Variants in PCDHGA9 observed in about 807,000 individuals in gnomAD.
The protein encoded by PCDHGA9 is protocadherin gamma subfamily A, 9, also known as protocadherin gamma-A9.
A neutral mutation model predicts 62.5 loss-of-function variants in PCDHGA9; 37 were observed. That is an observed-to-expected ratio of 0.59 (90% CI 0.46 to 0.78). The LOEUF is 0.78. Ranked by LOEUF, PCDHGA9 falls within the 30% of genes least tolerant of loss-of-function variation. PCDHGA9 has a pLI of 0.00. For synonymous variants in PCDHGA9, 459 were observed against 484.6 expected (o/e 0.95, Z 0.69); for missense variants, 1,138 against 1,166.2 (o/e 0.98, Z 0.35).
intron 1 of PCDHGA9, among the ~76,000 whole-genome samples, chr5:141,444,402 C>A (rs916833331): frequency 6.6e-6 from 1 of 151,932 alleles, no homozygotes; most frequent in Admixed American, 6.6e-5. Flanking sequence ...AACTCCCAAC[C>A]TCAGGTGATC....
At chr5:141,435,050 C>A (rs2154556494) in intron 1 of PCDHGA9, among the ~76,000 whole-genome samples, 1 of 151,994 alleles carries the variant, frequency 6.6e-6, no homozygotes, top group East Asian at 1.9e-4. Flanking sequence ...TCCCATTGAC[C>A]ATGCAGCAGT....
At position 141,511,248 on chromosome 5, in the gene PCDHGA9, C is replaced by T; in HGVS notation, c.*75C>T. ...AGCTTCTCCTTACCTGCACCCAGGC[C>T]TCAGAGTTTCAGGGCTAACCCCCAG... On this transcript the variant is annotated 3_prime_UTR_variant, in exon 4 of 4. Transcript: ENST00000573521. 6.4e-7 allele frequency: 1 copy of T among 1,574,736 alleles called. No homozygotes were observed. The highest frequency in any genetic ancestry group is 8.6e-7 in the Non-Finnish European group (1 of 1,160,336).
At chr5:141,420,218 C>T (rs762476625) in intron 1 of PCDHGA9, 11 of 1,608,290 alleles carry the variant, frequency 6.8e-6, no homozygotes, top group Admixed American at 1.7e-5. Flanking sequence ...AGATAGCATG[C>T]TACTGGCTAG....
intron 1 of PCDHGA9, among the ~76,000 whole-genome samples, chr5:141,473,965 A>C (rs925515548): frequency 1.1e-4 from 16 of 152,206 alleles, no homozygotes; most frequent in African/African-American, 3.9e-4. Flanking sequence ...TCTACTTAGA[A>C]GTCTGAGGCG....
In PCDHGA9 at chr5:141,404,707, C is replaced by T; in HGVS notation, c.1755C>T (p.Gly585=). The T allele has an allele frequency of 6.2e-7, 1 of 1,614,122 alleles. No individual in the cohort carries two copies. Among genetic ancestry groups the T allele is most frequent in the Non-Finnish European group, 8.5e-7 (1 of 1,180,012 alleles). Residue 585 remains glycine (G), a synonymous_variant, in exon 1 of 4, where the codon GGC becomes GGT. Coordinates refer to ENST00000573521, the MANE Select transcript of PCDHGA9 (RefSeq NM_018921.3). ...VELAPRSAEP[G]YLVTKVVAVD... is the part of the protein sequence containing the mutation. The stretch of plus-strand genomic sequence containing the variant: ...TGGCACCCCGCTCTGCAGAGCCTGG[C>T]TACCTGGTGACCAAGGTGGTGGCAG...
At chr5:141,481,618 G>C (rs1339565594) in intron 1 of PCDHGA9, among the ~76,000 whole-genome samples, 1 of 152,142 alleles carries the variant, frequency 6.6e-6, no homozygotes, top group African/African-American at 2.4e-5. Context: ...AGGAGTTCAA[G>C]ACCGGCCTGG....
chr5:141,415,163 C>A, intron 1 of PCDHGA9: 1 of 1,613,856 alleles, frequency 6.2e-7, no homozygotes. Flanking sequence ...GCCACTGTCA[C>A]GCTCACCGTG....
chr5:141,423,983 C>T, intron 1 of PCDHGA9: 5 of 1,107,052 alleles, frequency 4.5e-6, no homozygotes, highest in Non-Finnish European at 5.6e-6. Context: ...GTATGAGGCT[C>T]TCAATTTATT....
Position 141,431,303 on chromosome 5 carries a change from G to A in PCDHGA9, c.2424+25927G>A, listed in dbSNP as rs777784010. 2 of 1,613,942 alleles carry A rather than the reference G, an allele frequency of 1.2e-6. No homozygotes were observed. The highest frequency in any genetic ancestry group is 2.7e-5 in the African/African-American group (2 of 74,916). ...CCCGAACACTCACTTCTCCCTCATC[G>A]TGCAAAATGGAGCCGACGGTAGTAA... On this transcript the variant is annotated intron_variant, in intron 1 of 3. Transcript: ENST00000573521. The surrounding 1 kb of genome is among the most constrained non-coding windows in gnomAD (Gnocchi z 4.8).
chr5:141,414,958 G>T, intron 1 of PCDHGA9: 2 of 1,614,024 alleles, frequency 1.2e-6, no homozygotes, highest in East Asian at 2.2e-5. Context: ...GGTGACCAAG[G>T]TGGTGGCGGT....
intron 2 of PCDHGA9, among the ~76,000 whole-genome samples, chr5:141,500,768 A>C (rs2099802446): frequency 6.6e-6 from 1 of 152,180 alleles, no homozygotes; most frequent in African/African-American, 2.4e-5. Flanking sequence ...AACTCCTCTT[A>C]TGAATATACA....
intron 1 of PCDHGA9, chr5:141,421,591 G>T: frequency 6.2e-7 from 1 of 1,613,874 alleles, no homozygotes; most frequent in Non-Finnish European, 8.5e-7. Context: ...CGGAGTGGAG[G>T]TGGAAATAAT....
Position 141,489,391 on chromosome 5 carries a change from G to C in PCDHGA9, c.2425-5416G>C. 6.2e-7 allele frequency: 1 copy of C among 1,614,174 alleles called. No individual in the cohort carries two copies. The highest frequency in any genetic ancestry group is 8.5e-7 in the Non-Finnish European group (1 of 1,180,022). ...GACGCTGGTGGGGAATGTTGCTCAG[G>C]ATCTGGGCTTAAAGATGACAGATCT... On this transcript the variant is annotated intron_variant, in intron 1 of 3. Transcript: ENST00000573521. This position sits in a 1 kb window ranked among gnomAD's most constrained non-coding sequence, Gnocchi z 4.5.
At chr5:141,413,374 G>A (rs528233301) in intron 1 of PCDHGA9, 1 of 1,613,946 alleles carries the variant, frequency 6.2e-7, no homozygotes, top group East Asian at 2.2e-5. Context: ...GGCGGAGCGC[G>A]GAGTCCGCAT....
intron 1 of PCDHGA9, chr5:141,413,755 A>G: frequency 1.2e-6 from 2 of 1,612,936 alleles, no homozygotes; most frequent in Non-Finnish European, 1.7e-6. Context: ...CAATGGCGTC[A>G]AGTACCCGGA....
chr5:141,403,960 G>T lies in PCDHGA9; in HGVS notation c.1008G>T (p.Ser336=), dbSNP rs775638627. 3 of 1,613,776 alleles carry T rather than the reference G, an allele frequency of 1.9e-6. No individual in the cohort carries two copies. The highest frequency in any genetic ancestry group is 2.2e-5 in the South Asian group (2 of 91,076). ...AAGGGTGGACAAAAGTGCTCATTTC[G>T]GTGGAAGATGTAAATGACAATAGAC... ...GLKGWTKVLI[S]VEDVNDNRPE... The change falls in exon 1 of 4, where the codon TCG becomes TCT. Residue 336 remains serine, a synonymous_variant. Transcript: ENST00000573521.
At chr5:141,462,497 T>C (rs1333421053) in intron 1 of PCDHGA9, among the ~76,000 whole-genome samples, 1 of 152,244 alleles carries the variant, frequency 6.6e-6, no homozygotes, top group Non-Finnish European at 1.5e-5. Flanking sequence ...TATCCTATAA[T>C]TGTCAACTAG....
intron 3 of PCDHGA9, among the ~76,000 whole-genome samples, chr5:141,508,954 C>A (rs2154594435): frequency 6.6e-6 from 1 of 152,170 alleles, no homozygotes; most frequent in Admixed American, 6.5e-5. Context: ...AGAGAAATGT[C>A]AGCGGAATGA....
At chr5:141,421,789 G>A (rs756677817) in intron 1 of PCDHGA9, 5 of 1,613,830 alleles carry the variant, frequency 3.1e-6, no homozygotes, top group East Asian at 2.2e-5. Context: ...GGGCAGAACG[G>A]ATGGGGCCAA....
Sources: allele counts gnomAD v4.1 joint callset (sites outside exome capture counted in the v4.1 genomes callset), GRCh38; gene constraint gnomAD v4.1.1; non-coding constraint Gnocchi (gnomAD v3.1); transcripts MANE v1.5; gene names NCBI Gene and HGNC (gene_info 2026-07-23, HGNC 2026-07-21).